Variants in DIPK2B observed in about 807,000 individuals in gnomAD.
DIPK2B encodes UPF0672 protein CXorf36.
Under a neutral mutation model 22.2 loss-of-function variants are expected in DIPK2B, and 15 were observed. That is an observed-to-expected ratio of 0.68 (90% CI 0.45 to 1.04). DIPK2B has a LOEUF of 1.04. Among genes scored for constraint, DIPK2B ranks in the 50% least tolerant of loss-of-function variants. The pLI is 0.00. For synonymous variants in DIPK2B, 163 were observed against 153.2 expected, an observed-to-expected ratio of 1.06 and a Z score of -0.47; for missense variants, 345 against 348.3, an observed-to-expected ratio of 0.99 and a Z score of 0.08.
At chrX:45,180,924 C>CA (rs1310896009) in intron 2 of DIPK2B, among the ~76,000 whole-genome samples, 1 of 111,934 alleles carries the variant, frequency 8.9e-6, no homozygotes, top group Non-Finnish European at 1.9e-5. Context: ...CTCTTTCTCT[C>CA]AAAATGTCTT....
intron 4 of DIPK2B, among the ~76,000 whole-genome samples, chrX:45,153,472 TTTTGTGTGTGTG>T (rs1455077377): frequency 1.4e-5 from 1 of 71,976 alleles, no homozygotes. Context: ...GACCCAAAAG[TTTTGTGTGTGTG>T]TGTGTGTGTG....
Position 45,151,597 on chromosome X carries a change from TG to T in DIPK2B, c.*54del. The T allele has an allele frequency of 9.1e-7, 1 of 1,098,208 alleles. No individual in the cohort carries two copies. The highest frequency in any genetic ancestry group is 1.2e-6 in the Non-Finnish European group (1 of 811,324). 90.5% of individuals were successfully genotyped at this position (1,098,208 alleles called of 1,213,427 possible). On this transcript the variant is annotated 3_prime_UTR_variant, in exon 5 of 5. Coordinates refer to ENST00000398000, the MANE Select transcript of DIPK2B (RefSeq NM_176819.4). ...TCTTTCTACCTTGCAGCAACCCGAC[TG>T]GGAGAATGGAGAGCCAAGCGTGTTG... is the stretch of plus-strand genomic sequence containing the variant.
At chrX:45,160,301 AGGTTCAAGCCATTCTCTT>A (rs1337937376) in intron 2 of DIPK2B, among the ~76,000 whole-genome samples, 1 of 110,039 alleles carries the variant, frequency 9.1e-6, no homozygotes, top group Non-Finnish European at 1.9e-5. Flanking sequence ...TCCGGCTCCC[AGGTTCAAGCCATTCTCTT>A]GGTTCAGCCT....
intron 2 of DIPK2B, among the ~76,000 whole-genome samples, chrX:45,189,237 G>A (rs1301465680): frequency 8.9e-6 from 1 of 112,184 alleles, no homozygotes; most frequent in Non-Finnish European, 1.9e-5. Context: ...ATTCTCTTGG[G>A]TGAATAGGCG....
chrX:45,192,607 C>T (rs2047218951), intron 1 of DIPK2B, among the ~76,000 whole-genome samples: 1 of 110,781 alleles, frequency 9.0e-6, no homozygotes, highest in Non-Finnish European at 1.9e-5. Context: ...ATACCCAACC[C>T]CAAGCAGCCC....
At chrX:45,197,637 C>G (rs1266071819) in intron 1 of DIPK2B, among the ~76,000 whole-genome samples, 1 of 111,788 alleles carries the variant, frequency 8.9e-6, no homozygotes, top group African/African-American at 3.3e-5. Context: ...AACCTGTAGA[C>G]AGTTTAGCAA....
chrX:45,168,455 G>A (rs886110752), intron 2 of DIPK2B, among the ~76,000 whole-genome samples: 1 of 112,488 alleles, frequency 8.9e-6, no homozygotes, highest in African/African-American at 3.2e-5. Context: ...TGTTTTCCTT[G>A]CAACAGAAAG....
chrX:45,183,292 G>C (rs2047164676), intron 2 of DIPK2B: 1 of 111,498 alleles, frequency 9.0e-6, no homozygotes, highest in Non-Finnish European at 1.9e-5. Context: ...AGCAAAATGT[G>C]GTAAACAGGA....
At chrX:45,185,653 CTT>C (rs147218566) in intron 2 of DIPK2B, among the ~76,000 whole-genome samples, 14,913 of 85,980 alleles carry the variant, frequency 0.17, 1,225 homozygotes, top group African/African-American at 0.29. Flanking sequence ...CTTTTCTTTT[CTT>C]TTTTTTTTTT....
rs201053527 is a variant in DIPK2B, at chrX:45,191,925, C to A, written c.324G>T (p.Trp108Cys). Reference protein sequence around the residue: ...PANYSDDSKIWRPVEIFRLVS... With the variant: ...PANYSDDSKICRPVEIFRLVS... ...CCAGTCTAAAGATCTCCACAGGGCG[C>A]CAGATTTTGGAATCATCTGAGTAAT... Residue 108 changes from tryptophan to cysteine, a missense_variant, in exon 2 of 5, where the codon TGG becomes TGT. By Grantham distance (215) the Trp-to-Cys change is radical. Transcript: ENST00000398000. 1.7e-5 allele frequency: 20 copies of A among 1,210,397 alleles called. No individual in the cohort carries two copies. The highest frequency in any genetic ancestry group is 2.0e-5 in the Non-Finnish European group (18 of 895,277).
chrX:45,177,654 A>G (rs560867779), intron 2 of DIPK2B, among the ~76,000 whole-genome samples: 18 of 111,227 alleles, frequency 1.6e-4, no homozygotes, highest in African/African-American at 5.6e-4. Flanking sequence ...TTTTCTTTAT[A>G]AAGTACCCAG....
At chrX:45,172,351 G>T (rs772435347) in intron 2 of DIPK2B, among the ~76,000 whole-genome samples, 2 of 111,682 alleles carry the variant, frequency 1.8e-5, no homozygotes, top group South Asian at 7.6e-4. Flanking sequence ...ACAGTGTCAT[G>T]CATGGTATCT....
intron 2 of DIPK2B, among the ~76,000 whole-genome samples, chrX:45,167,563 A>AT (rs1317734971): frequency 1.8e-5 from 2 of 109,416 alleles, no homozygotes; most frequent in East Asian, 2.8e-4. Context: ...CAGTACATGA[A>AT]TTTTTTTTCT....
At position 45,196,398 on chromosome X, in the gene DIPK2B, T is replaced by C. The variant is rs905467684; in HGVS notation, c.233+4196A>G. 2.7e-5 allele frequency among the ~76,000 whole-genome samples: 3 copies of C among 110,979 alleles called. No homozygotes were observed. The Admixed American group carries it at 2.9e-4, about 11-fold the overall frequency. ...CCCTGTATTTCCCAAGGCCCCTGAG[T>C]TGATGTGAAGAAGTGAGTTAAGACA... On this transcript the variant is annotated intron_variant, in intron 1 of 4. Transcript: ENST00000398000.
intron 2 of DIPK2B, among the ~76,000 whole-genome samples, chrX:45,180,126 G>GA (rs2047141747): frequency 1.8e-5 from 2 of 111,549 alleles, no homozygotes; most frequent in Non-Finnish European, 3.8e-5. Context: ...TTGTGTTAAG[G>GA]GGGTTGTTTG....
intron 2 of DIPK2B, among the ~76,000 whole-genome samples, chrX:45,165,882 A>G (rs926634859): frequency 1.8e-5 from 2 of 111,216 alleles, no homozygotes; most frequent in African/African-American, 6.5e-5. Flanking sequence ...CATTCAGTAC[A>G]TTAGTACGTA....
intron 3 of DIPK2B, among the ~76,000 whole-genome samples, chrX:45,155,247 G>T (rs1035890948): frequency 9.6e-6 from 1 of 104,383 alleles, no homozygotes; most frequent in Non-Finnish European, 2.0e-5. Context: ...ACATGGCATA[G>T]CCTTGTCTCT....
chrX:45,164,156 A>G (rs1218311190), intron 2 of DIPK2B: 1 of 1,165,089 alleles, frequency 8.6e-7, no homozygotes, highest in Non-Finnish European at 1.1e-6. Context: ...CACTTTCTGG[A>G]AGTTCTCAGT....
intron 2 of DIPK2B, chrX:45,162,679 A>T: frequency 1.3e-6 from 1 of 754,580 alleles, no homozygotes; most frequent in Non-Finnish European, 1.6e-6. Context: ...ATCTGCATAC[A>T]TGGGCAACAG....
Sources: gnomAD v4.1 joint callset for allele counts (sites outside exome capture counted in the v4.1 genomes callset) on GRCh38, gnomAD v4.1.1 for gene constraint, MANE v1.5 for transcripts, NCBI Gene and HGNC (gene_info 2026-07-23, HGNC 2026-07-21) for gene names.